ASB5: variants seen among roughly 807,000 people sequenced by gnomAD.
ASB5 encodes the protein ankyrin repeat and SOCS box containing 5, also known as ankyrin repeat and SOCS box protein 5.
In ASB5, 45 loss-of-function variants were observed where a neutral mutation model predicts 42.1. The ratio of observed to expected loss-of-function variants is 1.07; its 90% confidence interval spans 0.84 to 1.37. The LOEUF is 1.37. Ranked by LOEUF, ASB5 falls within the 40% of genes most tolerant of loss-of-function variation. The probability of loss-of-function intolerance (pLI) is 0.00; values close to 1 mark genes in which losing one functional copy is unlikely to be tolerated. For synonymous variants in ASB5, 147 were observed against 150.6 expected (o/e 0.98, Z 0.18); for missense variants, 402 against 399.8 (o/e 1.01, Z -0.05).
At chr4:176,263,863 T>A (rs1754308827) in intron 1 of ASB5, among the ~76,000 whole-genome samples, 1 of 152,120 alleles carries the variant, frequency 6.6e-6, no homozygotes, top group Admixed American at 6.6e-5. Flanking sequence ...TTCCTAAAGT[T>A]GCTTTTAAAC....
At chr4:176,265,217 C>T (rs970748962) in intron 1 of ASB5, among the ~76,000 whole-genome samples, 1 of 152,130 alleles carries the variant, frequency 6.6e-6, no homozygotes, top group African/African-American at 2.4e-5. Flanking sequence ...ACTGCATGAA[C>T]TCTCCACTCC....
intron 5 of ASB5, among the ~76,000 whole-genome samples, chr4:176,217,779 T>A (rs1383400186): frequency 2.0e-5 from 3 of 152,014 alleles, no homozygotes; most frequent in Non-Finnish European, 4.4e-5. Flanking sequence ...AAAATAACCA[T>A]CCCATTTTCT....
intron 1 of ASB5, among the ~76,000 whole-genome samples, chr4:176,276,344 A>G (rs1414377584): frequency 1.3e-5 from 2 of 152,226 alleles, no homozygotes; most frequent in Non-Finnish European, 1.5e-5. Flanking sequence ...TGAAATGTCC[A>G]ACTTCCAATA....
intron 5 of ASB5, among the ~76,000 whole-genome samples, chr4:176,217,702 T>G (rs189462313): frequency 1.2e-4 from 19 of 152,220 alleles, no homozygotes; most frequent in Non-Finnish European, 2.6e-4. Context: ...TTTATCCCAG[T>G]GCAAAGCCTG....
rs765147595 is a variant in ASB5, at chr4:176,217,052, T to A, written c.671-43A>T. The A allele has an allele frequency of 2.0e-6, 3 of 1,497,336 alleles. No homozygotes were observed. In the South Asian group the frequency reaches 3.9e-5, roughly 19 times the overall value. 92.8% of individuals were successfully genotyped at this position (1,497,336 alleles called of 1,614,324 possible). ...TGAAGATAAATATAAATAAAAGTTG[T>A]TAAATAAGCCAGCTGCCTCAGTGGG... On this transcript the variant is annotated intron_variant, in intron 5 of 6. Transcript: ENST00000296525.
intron 2 of ASB5, among the ~76,000 whole-genome samples, chr4:176,222,799 A>G (rs1579312421): frequency 6.6e-6 from 1 of 152,102 alleles, no homozygotes; most frequent in Non-Finnish European, 1.5e-5. Flanking sequence ...TTGTTTTGAG[A>G]TGGAGCCTCA....
At chr4:176,246,778 A>G (rs1753921680) in intron 1 of ASB5, among the ~76,000 whole-genome samples, 1 of 152,216 alleles carries the variant, frequency 6.6e-6, no homozygotes, top group Non-Finnish European at 1.5e-5. Context: ...TTCCCTCTCA[A>G]TTGAAAAACA....
chr4:176,264,038 T>G (rs983042594), intron 1 of ASB5, among the ~76,000 whole-genome samples: 1 of 117,818 alleles, frequency 8.5e-6, no homozygotes, highest in African/African-American at 3.1e-5. Flanking sequence ...ACCACAGACT[T>G]GACAAAAAAA....
intron 1 of ASB5, among the ~76,000 whole-genome samples, chr4:176,238,583 A>G (rs1327025349): frequency 6.6e-6 from 1 of 152,220 alleles, no homozygotes; most frequent in Non-Finnish European, 1.5e-5. Flanking sequence ...TGAGCTGGTG[A>G]TCACGTTACA....
At chr4:176,256,398 G>C (rs1455059964) in intron 1 of ASB5, among the ~76,000 whole-genome samples, 1 of 152,176 alleles carries the variant, frequency 6.6e-6, no homozygotes, top group Admixed American at 6.5e-5. Flanking sequence ...GCCACCTTCA[G>C]ACAGGCTTTG....
At position 176,213,696 on chromosome 4, in the gene ASB5, A is replaced by G. The variant is rs1752893338; in HGVS notation, c.*1904T>C. 1 of 152,128 alleles carries G rather than the reference A, an allele frequency of 6.6e-6. No homozygotes were observed. The highest frequency in any genetic ancestry group is 2.1e-4 in the South Asian group (1 of 4,838). 9.4% of individuals were successfully genotyped at this position (152,128 alleles called of 1,614,324 possible). On this transcript the variant is annotated 3_prime_UTR_variant, in exon 7 of 7. Transcript: ENST00000296525. ...TGTTTTATTCCAATGAATAATAATC[A>G]CACTTTAATATAATAACAAACATAC...
intron 1 of ASB5, among the ~76,000 whole-genome samples, chr4:176,240,288 C>T (rs114469604): frequency 0.013 from 2,003 of 152,238 alleles, 43 homozygotes; most frequent in African/African-American, 0.046. Flanking sequence ...GATGGTCTAA[C>T]GTTACTACCG....
upstream of ASB5, among the ~76,000 whole-genome samples, chr4:176,271,011 G>A (rs958109397): frequency 6.6e-6 from 1 of 152,144 alleles, no homozygotes; most frequent in African/African-American, 2.4e-5. Context: ...CTAATCAGGA[G>A]CCTGGATTCT....
intron 1 of ASB5, among the ~76,000 whole-genome samples, chr4:176,252,442 C>A (rs1010264310): frequency 6.6e-6 from 1 of 152,220 alleles, no homozygotes; most frequent in Non-Finnish European, 1.5e-5. Flanking sequence ...TTTCTCCCTT[C>A]CTCTTTCCCT....
At chr4:176,235,584 C>T (rs988556114) in intron 1 of ASB5, among the ~76,000 whole-genome samples, 3 of 152,064 alleles carry the variant, frequency 2.0e-5, no homozygotes, top group Non-Finnish European at 4.4e-5. Context: ...ATTTAATTAT[C>T]TATCAAATGA....
intron 4 of ASB5, 33 bp from the exon 5 acceptor site, chr4:176,221,322 T>C: frequency 6.2e-7 from 1 of 1,611,202 alleles, no homozygotes; most frequent in Middle Eastern, 1.7e-4. Context: ...TTTAACTTAA[T>C]GCCCATCCAC....
At chr4:176,269,915 G>A (rs1000980994), upstream of ASB5, among the ~76,000 whole-genome samples, 1 of 152,124 alleles carries the variant, frequency 6.6e-6, no homozygotes, top group African/African-American at 2.4e-5. Flanking sequence ...CTGGGAGGGA[G>A]GTGTCAGAAA....
intron 1 of ASB5, among the ~76,000 whole-genome samples, chr4:176,245,112 A>G (rs1344326832): frequency 6.6e-6 from 1 of 152,204 alleles, no homozygotes; most frequent in African/African-American, 2.4e-5. Context: ...TTATGAAGCT[A>G]TGCAAACATA....
chr4:176,222,877 A>G (rs1294105505), intron 2 of ASB5, among the ~76,000 whole-genome samples: 1 of 152,028 alleles, frequency 6.6e-6, no homozygotes, highest in Non-Finnish European at 1.5e-5. Flanking sequence ...TCCCGGGTTC[A>G]TGCCATTCTC....
Sources: allele counts gnomAD v4.1 joint callset (sites outside exome capture counted in the v4.1 genomes callset), GRCh38; gene constraint gnomAD v4.1.1; transcripts MANE v1.5; gene names NCBI Gene and HGNC (gene_info 2026-07-23, HGNC 2026-07-21).